STYXL1: variants seen among roughly 807,000 people sequenced by gnomAD.
The protein encoded by STYXL1 is serine/threonine/tyrosine interacting like 1.
In STYXL1, 32 loss-of-function variants were observed where a neutral mutation model predicts 36.4. The ratio of observed to expected loss-of-function variants is 0.88; its 90% CI spans 0.66 to 1.18. The LOEUF is 1.18. STYXL1 is among the 50% of genes most tolerant of loss of function. STYXL1 has a pLI of 0.00. For missense variants in STYXL1, 354 were observed against 394.1 expected (o/e 0.90, Z 0.86); for synonymous variants, 133 against 144.1 (o/e 0.92, Z 0.55).
chr7:76,023,695 C>T (rs1456683018), intron 3 of STYXL1, among the ~76,000 whole-genome samples: 2 of 151,938 alleles, frequency 1.3e-5, no homozygotes, highest in African/African-American at 4.8e-5. Context: ...TCACTGCGCT[C>T]CAGCCTGGGT....
chr7:76,007,560 CT>C (rs1365364837), intron 5 of STYXL1, among the ~76,000 whole-genome samples: 4 of 152,280 alleles, frequency 2.6e-5, no homozygotes, highest in Non-Finnish European at 4.4e-5. Flanking sequence ...TACTGGACAA[CT>C]GTACAAACGG....
chr7:76,017,473 C>A (rs1343206481), intron 4 of STYXL1, among the ~76,000 whole-genome samples: 3 of 152,044 alleles, frequency 2.0e-5, no homozygotes, highest in African/African-American at 7.2e-5. Flanking sequence ...AAACCAGATA[C>A]CACATGTTCT....
At chr7:76,022,036 G>T (rs782377725) in intron 3 of STYXL1, 44 bp from the exon 4 acceptor site, 62 of 1,585,946 alleles carry the variant, frequency 3.9e-5, no homozygotes, top group Non-Finnish European at 4.9e-5. Context: ...CCTGTTGGTG[G>T]GCAGGTTCGG....
At chr7:76,028,299 G>A (rs1554578281) in intron 3 of STYXL1, among the ~76,000 whole-genome samples, 1 of 152,144 alleles carries the variant, frequency 6.6e-6, no homozygotes, top group Non-Finnish European at 1.5e-5. Context: ...CTCACAAAGT[G>A]CTGGGACTGC....
chr7:76,012,194 A>G (rs1792639994), intron 5 of STYXL1, among the ~76,000 whole-genome samples: 1 of 151,810 alleles, frequency 6.6e-6, no homozygotes, highest in Non-Finnish European at 1.5e-5. Flanking sequence ...CTGGTCTTGA[A>G]CTCCTGAGAT....
intron 1 of STYXL1, among the ~76,000 whole-genome samples, chr7:76,031,639 C>T (rs1452358639): frequency 1.3e-5 from 2 of 149,530 alleles, no homozygotes; most frequent in African/African-American, 2.5e-5. Flanking sequence ...CACTTGAACC[C>T]GGGAGGCGGA....
At chr7:76,005,196 ATAAATT>A in intron 6 of STYXL1, 57 bp downstream of exon 6, 1 of 987,794 alleles carries the variant, frequency 1.0e-6, no homozygotes, top group Non-Finnish European at 1.3e-6. Flanking sequence ...AATAAATAAA[ATAAATT>A]TAAATATTAT....
intron 5 of STYXL1, among the ~76,000 whole-genome samples, chr7:76,011,465 A>T (rs1478631800): frequency 1.3e-5 from 2 of 152,222 alleles, no homozygotes; most frequent in Non-Finnish European, 2.9e-5. Context: ...ACATCCTGTG[A>T]ATAGTCACAT....
At chr7:76,007,451 C>T (rs1053915749) in intron 5 of STYXL1, among the ~76,000 whole-genome samples, 2 of 152,002 alleles carry the variant, frequency 1.3e-5, no homozygotes, top group Admixed American at 6.6e-5. Flanking sequence ...CGAGACGATA[C>T]GCTTAGGTTA....
intron 4 of STYXL1, among the ~76,000 whole-genome samples, chr7:76,021,431 G>T (rs1794058832): frequency 6.6e-6 from 1 of 152,114 alleles, no homozygotes; most frequent in African/African-American, 2.4e-5. Context: ...TGAACATCAT[G>T]GAACACTGTT....
chr7:76,039,889 C>T (rs542804919), intron 1 of STYXL1, among the ~76,000 whole-genome samples: 2 of 152,226 alleles, frequency 1.3e-5, no homozygotes, highest in East Asian at 1.9e-4. Context: ...TCAGGTGATC[C>T]ACCTGCCTCA....
chr7:75,998,017 T>C (rs1790346486), intron 8 of STYXL1, among the ~76,000 whole-genome samples: 1 of 152,148 alleles, frequency 6.6e-6, no homozygotes. Context: ...CCAATACAAC[T>C]CAAAGTAATC....
intron 1 of STYXL1, 25 bp from the exon 2 acceptor site, chr7:76,030,552 G>A: frequency 7.1e-7 from 1 of 1,404,196 alleles, no homozygotes; most frequent in Non-Finnish European, 1.0e-6. Flanking sequence ...TAACACACAA[G>A]GGTAACATAA....
At chr7:75,997,719 T>TAC (rs142970735) in intron 8 of STYXL1, among the ~76,000 whole-genome samples, 18 of 151,528 alleles carry the variant, frequency 1.2e-4, no homozygotes, top group East Asian at 1.9e-4. Context: ...CCCTAAAGAT[T>TAC]ACACACACAC....
intron 5 of STYXL1, among the ~76,000 whole-genome samples, chr7:76,008,108 A>C (rs1792042551): frequency 7.0e-6 from 1 of 143,318 alleles, no homozygotes; most frequent in Non-Finnish European, 1.5e-5. Flanking sequence ...CTGGGGCAGG[A>C]GAATCACTTG....
chr7:76,046,274 C>CTGTGTGTGTGTGTGTGTGTGTG (rs782245806), intron 1 of STYXL1, among the ~76,000 whole-genome samples: 2 of 103,164 alleles, frequency 1.9e-5, no homozygotes, highest in Admixed American at 9.6e-5. Context: ...AGCTTATCTG[C>CTGTGTGTGTGTGTGTGTGTGTG]TGTGTGTGTG....
At chr7:76,042,528 C>T (rs1796579405) in intron 1 of STYXL1, among the ~76,000 whole-genome samples, 1 of 149,850 alleles carries the variant, frequency 6.7e-6, no homozygotes, top group Non-Finnish European at 1.5e-5. Context: ...CTCAGCCTTC[C>T]AAGTAGCTAG....
chr7:76,038,421 CA>C (rs1796137344), intron 1 of STYXL1, among the ~76,000 whole-genome samples: 2 of 59,894 alleles, frequency 3.3e-5, no homozygotes, highest in South Asian at 1.3e-3. Flanking sequence ...AATTGAATGA[CA>C]TTTTTTTTTT....
Position 76,047,801 on chromosome 7 carries a change from TG to T in STYXL1, c.-145del. The T allele has an allele frequency of 5.2e-6, 4 of 772,120 alleles. No individual in the cohort carries two copies. Among genetic ancestry groups the T allele is most frequent in the Non-Finnish European group, 7.0e-6 (4 of 571,740 alleles). 47.8% of individuals were successfully genotyped at this position (772,120 alleles called of 1,614,324 possible). A position where few individuals can be genotyped will look rare whatever the true frequency, so the allele number is the denominator to read the frequency against. ...CAGGCTCCCTGTCGGAGCCTCTGCC[TG>T]GGGCCCCACCTGGAAAAATGGCTCC... On this transcript the variant is annotated 5_prime_UTR_variant, in exon 1 of 9. Transcript: ENST00000359697.
Sources: allele counts gnomAD v4.1 joint callset (sites outside exome capture counted in the v4.1 genomes callset), GRCh38; gene constraint gnomAD v4.1.1; transcripts MANE v1.5; gene names NCBI Gene and HGNC (gene_info 2026-07-23, HGNC 2026-07-21).